Variants in DNAL1 observed in about 807,000 individuals in gnomAD.
The protein encoded by DNAL1 is dynein axonemal light chain 1.
A neutral mutation model predicts 29.4 loss-of-function variants in DNAL1; 17 were observed. The ratio of observed to expected loss-of-function variants is 0.58; its 90% CI spans 0.40 to 0.87. The LOEUF (loss-of-function observed/expected upper bound fraction) is 0.87, where lower values mean the gene tolerates loss of function less well. Among genes scored for constraint, DNAL1 ranks in the 40% least tolerant of loss-of-function variants. DNAL1 has a pLI of 0.00. For synonymous variants in DNAL1, 78 were observed against 76.3 expected (o/e 1.02, Z -0.12); for missense variants, 188 against 214.1 (o/e 0.88, Z 0.76).
chr14:73,671,452 T>C, intron 4 of DNAL1, 90 bp from the exon 5 acceptor site: 1 of 1,243,526 alleles, frequency 8.0e-7, no homozygotes, highest in Non-Finnish European at 1.0e-6. Flanking sequence ...ATCTATTATA[T>C]AAAACTTATT....
intron 4 of DNAL1, among the ~76,000 whole-genome samples, chr14:73,670,926 C>T (rs1401793116): frequency 2.6e-5 from 4 of 151,470 alleles, no homozygotes; most frequent in East Asian, 1.9e-4. Context: ...TTAGTAGAGA[C>T]GGGGTTTCAC....
intron 4 of DNAL1, among the ~76,000 whole-genome samples, chr14:73,669,698 G>A (rs1189517950): frequency 3.3e-5 from 5 of 152,054 alleles, no homozygotes. Context: ...TCAAAGTGCT[G>A]GGATAATTGG....
At chr14:73,645,149 G>A (rs1203728694) in intron 1 of DNAL1, 107 bp downstream of exon 1, 8 of 1,539,154 alleles carry the variant, frequency 5.2e-6, no homozygotes, top group East Asian at 2.4e-5. Context: ...GCGGAAGGGA[G>A]CCGGTAGCTG....
chr14:73,676,586 T>C (rs1287264400), intron 5 of DNAL1, among the ~76,000 whole-genome samples: 1 of 152,232 alleles, frequency 6.6e-6, no homozygotes, highest in Non-Finnish European at 1.5e-5. Flanking sequence ...AAAATAGCTG[T>C]GTAGTTTTCT....
At chr14:73,675,213 C>T (rs183923772) in intron 5 of DNAL1, among the ~76,000 whole-genome samples, 460 of 147,416 alleles carry the variant, frequency 3.1e-3, no homozygotes, top group African/African-American at 0.012. Context: ...CACACACAAA[C>T]ACACACACAC....
chr14:73,646,995 C>T (rs1566877529), intron 1 of DNAL1, among the ~76,000 whole-genome samples: 1 of 152,014 alleles, frequency 6.6e-6, no homozygotes, highest in Non-Finnish European at 1.5e-5. Flanking sequence ...TTATGACCTG[C>T]CACTTCAGGA....
chr14:73,678,674 TAGG>T (rs1177424246), intron 5 of DNAL1, among the ~76,000 whole-genome samples: 1 of 152,146 alleles, frequency 6.6e-6, no homozygotes. Context: ...ATTCTATATT[TAGG>T]AGTTTTTCAT....
intron 1 of DNAL1, among the ~76,000 whole-genome samples, chr14:73,647,370 AAAAAAAAAAAAGAAAAAG>A (rs1891002777): frequency 9.3e-6 from 1 of 108,108 alleles, no homozygotes; most frequent in Non-Finnish European, 1.9e-5. Context: ...GTCTCAAAAA[AAAAAAAAAAAAGAAAAAG>A]AAAAAGAAAA....
In DNAL1 at chr14:73,655,011, T is replaced by C. The variant is rs73295381; in HGVS notation, c.42+126T>C. On this transcript the variant is annotated intron_variant, in intron 2 of 7. Transcript: ENST00000553645. Reference sequence around the variant, plus strand: ...TGGAACTATTCAGCTATCTTGTCTATGGTGGTGGATGCATGAACTTACACA... The same window carrying C: ...TGGAACTATTCAGCTATCTTGTCTACGGTGGTGGATGCATGAACTTACACA... 4.7e-3 allele frequency: 4,333 copies of C among 924,828 alleles called. 92 individuals carry two copies. In the African/African-American group the frequency reaches 0.054, roughly 12 times the overall value. 57.3% of individuals were successfully genotyped at this position (924,828 alleles called of 1,614,324 possible). A position where few individuals can be genotyped will look rare whatever the true frequency, so the allele number is the denominator to read the frequency against.
chr14:73,689,475 A>G lies in DNAL1; in HGVS notation c.492A>G (p.Glu164=), dbSNP rs150636700. 4.2e-5 allele frequency: 66 copies of G among 1,582,692 alleles called. No homozygotes were observed. The African/African-American group carries it at 5.5e-4, about 13-fold the overall frequency. Residue 164 remains glutamate (E), a synonymous_variant, in exon 7 of 8, where the codon GAA becomes GAG. Transcript: ENST00000553645. ...EKHSAENNWI[E]EATKRVPKLK... The stretch of plus-strand genomic sequence containing the variant: ...ATTCTGCTGAGAATAACTGGATTGA[A>G]GAAGCAACCAAGAGAGTGCCCAAAC...
intron 5 of DNAL1, among the ~76,000 whole-genome samples, chr14:73,677,331 GTTGA>G (rs1891757995): frequency 6.6e-6 from 1 of 151,174 alleles, no homozygotes; most frequent in Admixed American, 6.6e-5. Flanking sequence ...TGGTGGTGGT[GTTGA>G]TTTTTTCTTT....
intron 4 of DNAL1, among the ~76,000 whole-genome samples, chr14:73,664,341 T>C (rs1243642417): frequency 6.6e-6 from 1 of 152,200 alleles, no homozygotes; most frequent in African/African-American, 2.4e-5. Flanking sequence ...AACAGAGTTT[T>C]CTTTCTAAAA....
rs939224850 is a variant in DNAL1 at position 73,698,765 on chromosome 14, G to A, written c.*2823G>A. Reference sequence around the variant, plus strand: ...GGCCAAATTTCTTCTATTCTTGTAAGTGATGGTAAAACTCTGGAATCAGTC... The same window carrying A: ...GGCCAAATTTCTTCTATTCTTGTAAATGATGGTAAAACTCTGGAATCAGTC... On this transcript the variant is annotated 3_prime_UTR_variant, in exon 8 of 8. Transcript: ENST00000553645. 6.6e-6 allele frequency: 1 copy of A among 152,094 alleles called. No homozygotes were observed. The highest frequency in any genetic ancestry group is 2.4e-5 in the African/African-American group (1 of 41,418). The allele number at this position is 152,094 out of a possible 1,614,324, so 9.4% of individuals were successfully genotyped here.
chr14:73,654,042 C>T (rs11159033), intron 1 of DNAL1, among the ~76,000 whole-genome samples: 137 of 151,968 alleles, frequency 9.0e-4, no homozygotes, highest in Non-Finnish European at 9.6e-4. Context: ...ATCCTTTATC[C>T]TCATCCTTTG....
intron 3 of DNAL1, among the ~76,000 whole-genome samples, chr14:73,660,638 T>C (rs550308009): frequency 6.6e-6 from 1 of 152,302 alleles, no homozygotes; most frequent in East Asian, 1.9e-4. Flanking sequence ...ATCTGTGGGA[T>C]CAAAGGGGAG....
intron 5 of DNAL1, among the ~76,000 whole-genome samples, chr14:73,680,425 AT>A (rs1285985141): frequency 6.6e-6 from 1 of 152,158 alleles, no homozygotes; most frequent in African/African-American, 2.4e-5. Flanking sequence ...ACGTATTCAT[AT>A]TTTTTATGTC....
chr14:73,678,279 AGATTT>A (rs1254697180), intron 5 of DNAL1, among the ~76,000 whole-genome samples: 1 of 152,046 alleles, frequency 6.6e-6, no homozygotes, highest in Non-Finnish European at 1.5e-5. Flanking sequence ...TTTTTCTACT[AGATTT>A]ATCTTTTTCT....
intron 1 of DNAL1, among the ~76,000 whole-genome samples, chr14:73,649,115 C>T (rs1248294458): frequency 1.3e-5 from 2 of 151,894 alleles, no homozygotes; most frequent in Admixed American, 6.6e-5. Context: ...GCTGGAATTA[C>T]AGGCACCCGC....
In DNAL1 at chr14:73,702,081, G is replaced by GTGTA. The variant is rs762396620; in HGVS notation, c.*6142_*6143insATGT. On this transcript the variant is annotated 3_prime_UTR_variant, in exon 8 of 8. Transcript: ENST00000553645. ...ACATGTACCATGCAGTTTGTGTGGT[G>GTGTA]TGTGTGTGTGTGTGTGTGTGTGTGC... The GTGTA allele has an allele frequency of 1.2e-5, 1 of 86,126 alleles. No individual in the cohort carries two copies. Among genetic ancestry groups the GTGTA allele is most frequent in the African/African-American group, 3.3e-5 (1 of 30,044 alleles). The allele number at this position is 86,126 out of a possible 1,614,324, so 5.3% of individuals were successfully genotyped here.
Sources: gnomAD v4.1 joint callset for allele counts (sites outside exome capture counted in the v4.1 genomes callset) on GRCh38, gnomAD v4.1.1 for gene constraint, MANE v1.5 for transcripts, NCBI Gene and HGNC (gene_info 2026-07-23, HGNC 2026-07-21) for gene names.